LIFR: variants seen among roughly 807,000 people sequenced by gnomAD.
LIFR encodes LIF receptor subunit alpha, also known as leukemia inhibitory factor receptor.
LIFR carries 84 observed loss-of-function variants against 122.2 expected under a neutral mutation model. The ratio of observed to expected loss-of-function variants is 0.69; its 90% CI spans 0.58 to 0.82. The LOEUF is 0.82. Among genes scored for constraint, LIFR ranks in the 40% least tolerant of loss-of-function variants. LIFR has a pLI of 0.00. For synonymous variants in LIFR, 422 were observed against 434.7 expected (o/e 0.97, Z 0.36); for missense variants, 1,294 against 1,311.6 (o/e 0.99, Z 0.21).
At chr5:38,495,436 G>GC (rs1220881102) in intron 13 of LIFR, among the ~76,000 whole-genome samples, 1 of 152,156 alleles carries the variant, frequency 6.6e-6, no homozygotes, top group East Asian at 1.9e-4. Flanking sequence ...CAACCCCTGT[G>GC]CATCTCCAGC....
chr5:38,487,310 G>A (rs13435963), intron 16 of LIFR, among the ~76,000 whole-genome samples: 2 of 152,214 alleles, frequency 1.3e-5, no homozygotes, highest in East Asian at 1.9e-4. Context: ...TCTCTCTCAC[G>A]TTGGTTGACA....
intron 1 of LIFR, among the ~76,000 whole-genome samples, chr5:38,572,219 T>G (rs1580211415): frequency 6.6e-6 from 1 of 152,294 alleles, no homozygotes; most frequent in East Asian, 1.9e-4. Context: ...AGCTTCTGCT[T>G]TTGGGGTGAC....
chr5:38,495,774 C>A (rs1335628728), intron 13 of LIFR, among the ~76,000 whole-genome samples: 1 of 152,114 alleles, frequency 6.6e-6, no homozygotes, highest in Non-Finnish European at 1.5e-5. Context: ...GTTGTCAAGG[C>A]AGAAGCTGGG....
intron 1 of LIFR, 64 bp downstream of exon 1, chr5:38,556,270 G>A (rs967536724): frequency 2.6e-5 from 4 of 151,808 alleles, no homozygotes; most frequent in African/African-American, 7.3e-5. Flanking sequence ...CGCCCCTGGG[G>A]ACCCCGCTCG....
chr5:38,506,264 C>A (rs1268514743), intron 8 of LIFR, among the ~76,000 whole-genome samples, 190 bp from the exon 9 acceptor site: 2 of 151,952 alleles, frequency 1.3e-5, no homozygotes, highest in Non-Finnish European at 2.9e-5. Flanking sequence ...AGTTTACTAC[C>A]GAGAAACAGT....
intron 1 of LIFR, among the ~76,000 whole-genome samples, chr5:38,565,434 G>A (rs1046839417): frequency 3.3e-5 from 5 of 152,052 alleles, no homozygotes; most frequent in African/African-American, 1.2e-4. Context: ...AGTCCCGGAT[G>A]GTGACATAGC....
intron 1 of LIFR, among the ~76,000 whole-genome samples, chr5:38,574,615 C>T (rs1018776361): frequency 3.3e-5 from 5 of 152,174 alleles, no homozygotes; most frequent in Non-Finnish European, 7.3e-5. Flanking sequence ...AGTGACACAC[C>T]TCAGTTACAC....
intron 11 of LIFR, among the ~76,000 whole-genome samples, chr5:38,501,237 T>C (rs1745159257): frequency 6.6e-6 from 1 of 152,234 alleles, no homozygotes; most frequent in South Asian, 2.1e-4. Flanking sequence ...TCCCTCTCTG[T>C]ACTCATGCAT....
At chr5:38,530,192 G>A (rs1375599801) in intron 2 of LIFR, among the ~76,000 whole-genome samples, 2 of 152,154 alleles carry the variant, frequency 1.3e-5, no homozygotes, top group East Asian at 3.9e-4. Flanking sequence ...CAGTGCCGGG[G>A]CTGTTCCCTA....
upstream of LIFR, among the ~76,000 whole-genome samples, chr5:38,599,304 G>A (rs2112779531): frequency 6.6e-6 from 1 of 152,296 alleles, no homozygotes; most frequent in African/African-American, 2.4e-5. Context: ...GCTAAGATAT[G>A]CATTTTCAAT....
intron 2 of LIFR, among the ~76,000 whole-genome samples, chr5:38,603,694 T>C (rs1750268449): frequency 6.6e-6 from 1 of 152,150 alleles, no homozygotes; most frequent in Non-Finnish European, 1.5e-5. Flanking sequence ...CACAAGAAGA[T>C]AATGGCCAAT....
rs1046261698 is a variant in LIFR at position 38,478,972 on chromosome 5, C to T, written c.*2623G>A. 1 of 230,716 alleles carries T rather than the reference C, an allele frequency of 4.3e-6. No individual in the cohort carries two copies. 14.3% of individuals were successfully genotyped at this position (230,716 alleles called of 1,614,324 possible). On this transcript the variant is annotated 3_prime_UTR_variant, in exon 20 of 20. Transcript: ENST00000453190. ...GCCACGAATCTAACTGGACAGAGCA[C>T]AATCAGTATGAGACCACCTTGTAAA... is the stretch of plus-strand genomic sequence containing the variant.
intron 1 of LIFR, among the ~76,000 whole-genome samples, chr5:38,591,059 T>C (rs1749907436): frequency 6.6e-6 from 1 of 152,244 alleles, no homozygotes; most frequent in Non-Finnish European, 1.5e-5. Flanking sequence ...AGGAAGGGCT[T>C]GCAGCACTGT....
Position 38,481,646 on chromosome 5 carries a change from A to G in LIFR, c.3243T>C (p.Asn1081=). 6.2e-7 allele frequency: 1 copy of G among 1,614,064 alleles called. No individual in the cohort carries two copies. The highest frequency in any genetic ancestry group is 8.5e-7 in the Non-Finnish European group (1 of 1,179,924). Residue 1081 remains asparagine, a synonymous_variant, in exon 20 of 20, where the codon AAT becomes AAC. Transcript: ENST00000453190. ...PPKDEDSPKS[N]GGGWSFTNFF... is the part of the protein sequence containing the mutation. The stretch of plus-strand genomic sequence containing the variant: ...AGTTTGTAAAGGACCACCCTCCTCC[A>G]TTAGATTTAGGAGAGTCTTCATCTT...
chr5:38,490,403 T>C (rs552373919), intron 14 of LIFR, 112 bp from the exon 15 acceptor site: 58 of 511,490 alleles, frequency 1.1e-4, no homozygotes, highest in Middle Eastern at 1.1e-3. Flanking sequence ...ATTTTAAAGA[T>C]GTTTTCTTAT....
At chr5:38,509,855 C>T (rs1473774516) in intron 7 of LIFR, among the ~76,000 whole-genome samples, 13 of 152,168 alleles carry the variant, frequency 8.5e-5, no homozygotes. Context: ...CCACAACAAA[C>T]TACTTTTGGA....
At chr5:38,555,684 G>T (rs1003600325) in intron 1 of LIFR, among the ~76,000 whole-genome samples, 1 of 140,166 alleles carries the variant, frequency 7.1e-6, no homozygotes, top group South Asian at 2.6e-4. Flanking sequence ...GCAAATAAAA[G>T]ACCTCATATA....
chr5:38,496,452 G>C lies in LIFR; in HGVS notation c.1815C>G (p.Ile605Met). 6.2e-7 allele frequency: 1 copy of C among 1,614,020 alleles called. No homozygotes were observed. The highest frequency in any genetic ancestry group is 8.5e-7 in the Non-Finnish European group (1 of 1,179,850). ...CCACAGAATTTTTAGCCACTACGCT[G>C]ATGATGTAGTCATTCTTATCAAGTC... Reference protein sequence around the residue: ...EIRLDKNDYIISVVAKNSVGS... With the variant: ...EIRLDKNDYIMSVVAKNSVGS... Residue 605 changes from isoleucine (I) to methionine (M), a missense_variant, in exon 13 of 20, where the codon ATC becomes ATG. Physicochemically the swap from Ile to Met is conservative, Grantham distance 10 (BLOSUM62 1). Coordinates refer to ENST00000453190, the MANE Select transcript of LIFR (RefSeq NM_001127671.2).
chr5:38,559,964 T>C (rs1337881157), upstream of LIFR, among the ~76,000 whole-genome samples: 1 of 152,258 alleles, frequency 6.6e-6, no homozygotes, highest in Non-Finnish European at 1.5e-5. Context: ...GTCACACCTG[T>C]AATGAAAGTT....
Sources: allele counts gnomAD v4.1 joint callset (sites outside exome capture counted in the v4.1 genomes callset), GRCh38; gene constraint gnomAD v4.1.1; transcripts MANE v1.5; gene names NCBI Gene and HGNC (gene_info 2026-07-23, HGNC 2026-07-21).